The following TYW1 variants were observed in gnomAD, a reference collection of about 807,000 sequenced individuals.
TYW1 encodes the protein tRNA-yW synthesizing protein 1 homolog.
TYW1 carries 46 observed loss-of-function variants against 96.2 expected under a neutral mutation model. The ratio of observed to expected loss-of-function variants is 0.48; its 90% CI spans 0.38 to 0.61. The LOEUF (loss-of-function observed/expected upper bound fraction) is 0.61, where lower values mean the gene tolerates loss of function less well. Among genes scored for constraint, TYW1 ranks in the 20% least tolerant of loss-of-function variants. The pLI is 0.00. For missense variants in TYW1, 684 were observed against 909.6 expected, an observed-to-expected ratio of 0.75 and a Z score of 3.19; for synonymous variants, 274 against 323.0, an observed-to-expected ratio of 0.85 and a Z score of 1.63.
rs183639898 is a variant in TYW1 at position 67,233,900 on chromosome 7, T to A, written c.1978-4408T>A. Among the ~76,000 whole-genome samples, 4 of 136,036 alleles carry A rather than the reference T, an allele frequency of 2.9e-5. 2 individuals are homozygous for A. Among genetic ancestry groups the A allele is most frequent in the African/African-American group, 1.2e-4 (4 of 34,126 alleles). 89.2% of individuals were successfully genotyped at this position (136,036 alleles called of 152,430 possible). ...GAATAACTTACTCTTAAGGACTGAATGTTTGTGGCCCCCCTCCCCTCCCAA... is the reference window on the plus strand; with the variant it reads ...GAATAACTTACTCTTAAGGACTGAAAGTTTGTGGCCCCCCTCCCCTCCCAA... On this transcript the variant is annotated intron_variant, in intron 15 of 15. Coordinates refer to ENST00000359626, the MANE Select transcript of TYW1 (RefSeq NM_018264.4).
At chr7:67,099,882 A>T (rs1271765851) in intron 12 of TYW1, among the ~76,000 whole-genome samples, 2 of 152,048 alleles carry the variant, frequency 1.3e-5, no homozygotes, top group African/African-American at 4.8e-5. Flanking sequence ...CATGCCTGTA[A>T]TCCCAGCTAC....
At chr7:67,050,947 A>G (rs1200447189) in intron 8 of TYW1, among the ~76,000 whole-genome samples, 1 of 151,302 alleles carries the variant, frequency 6.6e-6, no homozygotes, top group Admixed American at 6.6e-5. Flanking sequence ...TCTGGAGTGC[A>G]GTGGCATAAT....
chr7:67,174,677 A>T (rs1431352707), intron 13 of TYW1, among the ~76,000 whole-genome samples: 1 of 152,008 alleles, frequency 6.6e-6, no homozygotes, highest in East Asian at 1.9e-4. Flanking sequence ...AAGAGCAGAA[A>T]TTAAGGAAAT....
At chr7:67,155,483 A>G (rs1470643123) in intron 13 of TYW1, among the ~76,000 whole-genome samples, 2 of 152,014 alleles carry the variant, frequency 1.3e-5, no homozygotes, top group East Asian at 3.9e-4. Flanking sequence ...ACACAGCACC[A>G]TGCTTCCTGT....
At chr7:67,175,485 A>G (rs1584656057) in intron 13 of TYW1, among the ~76,000 whole-genome samples, 1 of 152,208 alleles carries the variant, frequency 6.6e-6, no homozygotes. Flanking sequence ...CAGAATATTT[A>G]TACCAAATTC....
intron 13 of TYW1, among the ~76,000 whole-genome samples, chr7:67,158,275 G>T (rs1412607863): frequency 1.3e-5 from 2 of 151,988 alleles, no homozygotes; most frequent in East Asian, 3.9e-4. Context: ...TTTTAATAGA[G>T]ACAGGGTTCA....
chr7:67,229,518 AAC>A (rs1381058479), intron 15 of TYW1, among the ~76,000 whole-genome samples: 1 of 149,816 alleles, frequency 6.7e-6, no homozygotes, highest in African/African-American at 2.5e-5. Context: ...TAGCCTGGGC[AAC>A]AGAGTGAGAC....
intron 9 of TYW1, among the ~76,000 whole-genome samples, chr7:67,066,177 C>T (rs1411451210): frequency 6.6e-6 from 1 of 152,126 alleles, no homozygotes; most frequent in Non-Finnish European, 1.5e-5. Context: ...CTGTTTTGCT[C>T]CTCAGTGGGG....
intron 13 of TYW1, among the ~76,000 whole-genome samples, chr7:67,133,806 C>T (rs1024826086): frequency 9.3e-5 from 14 of 151,344 alleles, no homozygotes; most frequent in African/African-American, 3.2e-4. Context: ...CCCATTTCTC[C>T]GTTGGCTGTT....
At position 67,017,765 on chromosome 7, in the gene TYW1, T is replaced by C. The variant is rs1255332840; in HGVS notation, c.571-88T>C. On this transcript the variant is annotated intron_variant, in intron 5 of 15. Transcript: ENST00000359626. ...TAGCGGCAGCCCATGACCAGGGGCC[T>C]CGGAAGGACTTTGGGCTTTTGCAGA... The C allele has an allele frequency of 4.0e-5, 60 of 1,517,946 alleles. No homozygotes were observed. The East Asian group carries it at 9.1e-4, about 23-fold the overall frequency. The allele number at this position is 1,517,946 out of a possible 1,614,324, so 94.0% of individuals were successfully genotyped here. A position where few individuals can be genotyped will look rare whatever the true frequency, so the allele number is the denominator to read the frequency against.
At chr7:67,038,733 G>C (rs1051070712) in intron 7 of TYW1, among the ~76,000 whole-genome samples, 2 of 151,938 alleles carry the variant, frequency 1.3e-5, no homozygotes, top group Non-Finnish European at 2.9e-5. Context: ...GCGAAACCCC[G>C]TCTCTACTAA....
At chr7:67,185,717 G>T (rs1207397981) in intron 14 of TYW1, among the ~76,000 whole-genome samples, 1 of 152,144 alleles carries the variant, frequency 6.6e-6, no homozygotes, top group Non-Finnish European at 1.5e-5. Flanking sequence ...TTATAAGCTC[G>T]AAGTTTCAGG....
In TYW1 at chr7:67,083,555, CT is replaced by C; in HGVS notation, c.1384+17del. 6.2e-7 allele frequency: 1 copy of C among 1,613,210 alleles called. No individual in the cohort carries two copies. The highest frequency in any genetic ancestry group is 1.7e-4 in the Middle Eastern group (1 of 6,060). On this transcript the variant is annotated intron_variant, in intron 11 of 15. Transcript: ENST00000359626. ...CAGTTTAAAGGTATTTATCTTCCCT[CT>C]ACAAAGGAATGCTAATACCTGTTAA...
At chr7:67,124,152 C>T (rs1457847659) in intron 13 of TYW1, among the ~76,000 whole-genome samples, 8 of 152,328 alleles carry the variant, frequency 5.3e-5, no homozygotes, top group Non-Finnish European at 7.3e-5. Flanking sequence ...AGTTACTATA[C>T]TGCATTACAT....
At chr7:67,051,338 T>C (rs1795348680) in intron 8 of TYW1, among the ~76,000 whole-genome samples, 1 of 151,910 alleles carries the variant, frequency 6.6e-6, no homozygotes, top group Admixed American at 6.6e-5. Context: ...AGTCGGGTCT[T>C]GCTCTTTTGC....
chr7:66,998,770 G>A (rs779525488), intron 2 of TYW1, 47 bp from the exon 3 acceptor site: 1 of 1,604,216 alleles, frequency 6.2e-7, no homozygotes, highest in African/African-American at 1.3e-5. Context: ...CTGAAGTTGG[G>A]AAACGATTTA....
At chr7:67,165,785 C>T (rs543537545) in intron 13 of TYW1, among the ~76,000 whole-genome samples, 131 of 152,040 alleles carry the variant, frequency 8.6e-4, no homozygotes, top group African/African-American at 3.1e-3. Flanking sequence ...CAAAAATTAG[C>T]CAGGTGCGGT....
rs1483500371 is a variant in TYW1 at position 67,124,869 on chromosome 7, T to C, written c.1698+7251T>C. On this transcript the variant is annotated intron_variant, in intron 13 of 15. Transcript: ENST00000359626. Reference sequence around the variant, plus strand: ...ATTTTTTTGAGGTGGAGTTTTGCTCTTGTTGCCCAGGCTGGAGTGCAATGG... The same window carrying C: ...ATTTTTTTGAGGTGGAGTTTTGCTCCTGTTGCCCAGGCTGGAGTGCAATGG... Among the ~76,000 whole-genome samples, 4 of 152,278 alleles carry C rather than the reference T, an allele frequency of 2.6e-5. No homozygotes were observed. The East Asian group carries it at 7.7e-4, about 29-fold the overall frequency.
intron 14 of TYW1, among the ~76,000 whole-genome samples, chr7:67,191,265 A>G (rs1800207394): frequency 6.6e-6 from 1 of 152,224 alleles, no homozygotes; most frequent in Admixed American, 6.5e-5. Context: ...GAACGCTCAG[A>G]TAGCCACAGT....
Sources: gnomAD v4.1 joint callset for allele counts (sites outside exome capture counted in the v4.1 genomes callset) on GRCh38, gnomAD v4.1.1 for gene constraint, MANE v1.5 for transcripts, NCBI Gene and HGNC (gene_info 2026-07-23, HGNC 2026-07-21) for gene names.